The following SKI variants were observed in gnomAD, a reference collection of about 807,000 sequenced individuals.
SKI encodes the protein SKI proto-oncogene.
In SKI, 23 loss-of-function variants were observed where a neutral mutation model predicts 59.3. The ratio of observed to expected loss-of-function variants is 0.39; its 90% CI spans 0.28 to 0.55. The LOEUF is 0.55. Ranked by LOEUF, SKI falls within the 20% of genes least tolerant of loss-of-function variation. The probability of loss-of-function intolerance (pLI) is 0.67; values close to 1 mark genes in which losing one functional copy is unlikely to be tolerated. For missense variants in SKI, 1,017 were observed against 1,038.9 expected (o/e 0.98, Z 0.29); for synonymous variants, 673 against 488.6 (o/e 1.38, Z -4.98).
chr1:2,306,400 G>C, intron 6 of SKI, 150 bp downstream of exon 6: 4 of 998,068 alleles, frequency 4.0e-6, no homozygotes, highest in South Asian at 1.7e-5. Flanking sequence ...CGGGCACAGG[G>C]TGGGTGGTTG....
At position 2,308,944 on chromosome 1, in the gene SKI, C is replaced by T. The variant is rs2843157; in HGVS notation, c.*2179C>T. The stretch of plus-strand genomic sequence containing the variant: ...CTGCAGTGGCAGCCCTTCCCCACTT[C>T]GGCTCTGGGAGGGTCCAGCCAGTGT... On this transcript the variant is annotated 3_prime_UTR_variant, in exon 7 of 7. Transcript: ENST00000378536. The T allele has an allele frequency of 0.098, 14,912 of 152,416 alleles. 951 individuals carry two copies. Among genetic ancestry groups the T allele is most frequent in the Admixed American group, 0.17 (2,671 of 15,298 alleles). 9.4% of individuals were successfully genotyped at this position (152,416 alleles called of 1,614,324 possible).
chr1:2,305,932 C>G lies in SKI; in HGVS notation c.1768-88C>G, dbSNP rs1640561540. 2.9e-6 allele frequency: 3 copies of G among 1,036,402 alleles called. No individual in the cohort carries two copies. In the Admixed American group the frequency reaches 6.0e-5, roughly 21 times the overall value. 64.2% of individuals were successfully genotyped at this position (1,036,402 alleles called of 1,614,324 possible). A position where few individuals can be genotyped will look rare whatever the true frequency, so the allele number is the denominator to read the frequency against. ...AGGGCACATTGTCAGATAGATGACC[C>G]CACGGGGTGGGCTGAGGACTGCTGG... On this transcript the variant is annotated intron_variant, in intron 5 of 6. Coordinates refer to ENST00000378536, the MANE Select transcript of SKI (RefSeq NM_003036.4).
At position 2,303,239 on chromosome 1, in the gene SKI, C is replaced by T. The variant is rs774764156; in HGVS notation, c.1096-46C>T. The T allele has an allele frequency of 2.3e-5, 37 of 1,605,848 alleles. No homozygotes were observed. The highest frequency in any genetic ancestry group is 3.2e-5 in the Non-Finnish European group (37 of 1,174,278). ...GCGCAGCCTCAGGGACATGAAGTGG[C>T]TTGTTTTTCTCCTGGTCACTCACAC... On this transcript the variant is annotated intron_variant, in intron 2 of 6. Coordinates refer to ENST00000378536, the MANE Select transcript of SKI (RefSeq NM_003036.4). The surrounding 1 kb of genome is among the most constrained non-coding windows in gnomAD (Gnocchi z 5.6).
At position 2,303,168 on chromosome 1, in the gene SKI, C is replaced by T; in HGVS notation, c.1095+65C>T. Reference sequence around the variant, plus strand: ...CTGGGCCCTTCTCCTTGGGCAGACCCAGCGGCTGGCAGCTCCACCTGCCCG... The same window carrying T: ...CTGGGCCCTTCTCCTTGGGCAGACCTAGCGGCTGGCAGCTCCACCTGCCCG... On this transcript the variant is annotated intron_variant, in intron 2 of 6. Coordinates refer to ENST00000378536, the MANE Select transcript of SKI (RefSeq NM_003036.4). The surrounding 1 kb of genome is among the most constrained non-coding windows in gnomAD (Gnocchi z 5.6). 2 of 1,607,186 alleles carry T rather than the reference C, an allele frequency of 1.2e-6. No homozygotes were observed. Among genetic ancestry groups the T allele is most frequent in the Non-Finnish European group, 1.7e-6 (2 of 1,175,856 alleles).
chr1:2,297,577 G>A (rs1640314481), intron 1 of SKI, among the ~76,000 whole-genome samples: 1 of 152,228 alleles, frequency 6.6e-6, no homozygotes, highest in Non-Finnish European at 1.5e-5. Context: ...GCTTCTTGGT[G>A]CCTACAACAT....
In SKI at chr1:2,303,864, G is replaced by C; in HGVS notation, c.1236G>C (p.Glu412Asp). ...RDSFYSYKSF[E>D]TAVAPNVALA... ...GCTTCTACTCCTACAAGAGCTTTGA[G>C]ACAGCCGTGGCGCCCAACGTGGCCC... Residue 412 changes from glutamate (E) to aspartate (D), a missense_variant, in exon 4 of 7, where the codon GAG becomes GAC. By Grantham distance (45) the Glu-to-Asp change is conservative (BLOSUM62 2). Coordinates refer to ENST00000378536, the MANE Select transcript of SKI (RefSeq NM_003036.4). The surrounding 1 kb of genome is among the most constrained non-coding windows in gnomAD (Gnocchi z 5.6). 1 of 1,612,536 alleles carries C rather than the reference G, an allele frequency of 6.2e-7. No individual in the cohort carries two copies. Among genetic ancestry groups the C allele is most frequent in the East Asian group, 2.2e-5 (1 of 44,874 alleles).
intron 1 of SKI, among the ~76,000 whole-genome samples, chr1:2,262,663 G>A (rs1318551195): frequency 6.6e-6 from 1 of 152,196 alleles, no homozygotes; most frequent in African/African-American, 2.4e-5. Context: ...TTATGAGTCC[G>A]AGGAAGTCCC....
At position 2,306,636 on chromosome 1, in the gene SKI, C is replaced by G; in HGVS notation, c.2058C>G (p.Ala686=). 6.5e-7 allele frequency: 1 copy of G among 1,544,124 alleles called. No homozygotes were observed. The highest frequency in any genetic ancestry group is 8.7e-7 in the Non-Finnish European group (1 of 1,145,142). Residue 686 remains alanine, a synonymous_variant, in exon 7 of 7, where the codon GCC becomes GCG. Transcript: ENST00000378536. ...HAEADREQLR[A]DLLREREARE... ...AGGCGGACCGGGAGCAGCTGCGGGC[C>G]GACCTGCTGCGGGAGCGCGAGGCCC...
rs936546650 is a variant in SKI, at chr1:2,270,241, C to T, written c.970-32737C>T. 3.9e-5 allele frequency among the ~76,000 whole-genome samples: 6 copies of T among 152,160 alleles called. No homozygotes were observed. The highest frequency in any genetic ancestry group is 1.4e-4 in the African/African-American group (6 of 41,430). On this transcript the variant is annotated intron_variant, in intron 1 of 6. Transcript: ENST00000378536. The surrounding 1 kb of genome is among the most constrained non-coding windows in gnomAD (Gnocchi z 4.1). ...CAGGTGGGCCCACTGGCTGGCGCTG[C>T]GTCTGGGTTCGGTCCTGGACCTGCT...
intron 1 of SKI, among the ~76,000 whole-genome samples, chr1:2,248,888 G>A (rs536624186): frequency 9.5e-4 from 145 of 152,328 alleles, no homozygotes; most frequent in African/African-American, 3.4e-3. Flanking sequence ...TACTTTTCTA[G>A]GCCTCAGTTT....
chr1:2,272,521 A>G (rs922927175), intron 1 of SKI, among the ~76,000 whole-genome samples: 30 of 152,304 alleles, frequency 2.0e-4, no homozygotes, highest in African/African-American at 6.5e-4. Context: ...TCCTTCCCCC[A>G]CAGGCTACAC....
chr1:2,255,877 GGA>G (rs1323111548), intron 1 of SKI, among the ~76,000 whole-genome samples: 1 of 148,820 alleles, frequency 6.7e-6, no homozygotes, highest in African/African-American at 2.5e-5. Context: ...TTTCCTCTCT[GGA>G]GCTCTCTCTG....
Position 2,229,831 on chromosome 1 carries a change from G to A in SKI, c.969+96G>A, listed in dbSNP as rs1638592026. On this transcript the variant is annotated intron_variant, in intron 1 of 6. Transcript: ENST00000378536. This position sits in a 1 kb window ranked among gnomAD's most constrained non-coding sequence, Gnocchi z 6.3. ...CTGGTCTCCGAAGGCTGGGACCTGT[G>A]CTTCTGCCGTGCCCCATGTCTCCAG... The A allele has an allele frequency of 6.5e-7, 1 of 1,539,194 alleles. No individual in the cohort carries two copies. The highest frequency in any genetic ancestry group is 8.8e-7 in the Non-Finnish European group (1 of 1,140,552).
chr1:2,229,785 G>A lies in SKI; in HGVS notation c.969+50G>A. On this transcript the variant is annotated intron_variant, in intron 1 of 6. Coordinates refer to ENST00000378536, the MANE Select transcript of SKI (RefSeq NM_003036.4). The surrounding 1 kb of genome is among the most constrained non-coding windows in gnomAD (Gnocchi z 6.3). ...TGGGGAGGATGCGCTTGGGGTGGGG[G>A]CCCCTTCTGGACTACAGGCTCTGGT... The A allele has an allele frequency of 1.9e-6, 3 of 1,549,424 alleles. No homozygotes were observed. Among genetic ancestry groups the A allele is most frequent in the Non-Finnish European group, 2.6e-6 (3 of 1,146,846 alleles).
At chr1:2,243,127 G>A (rs1398192791) in intron 1 of SKI, among the ~76,000 whole-genome samples, 1 of 152,214 alleles carries the variant, frequency 6.6e-6, no homozygotes, top group Non-Finnish European at 1.5e-5. Flanking sequence ...GCCTTTTTGG[G>A]CCAGCCCTGT....
chr1:2,252,534 C>T (rs569690886), intron 1 of SKI, among the ~76,000 whole-genome samples: 1 of 152,320 alleles, frequency 6.6e-6, no homozygotes, highest in South Asian at 2.1e-4. Context: ...GTCTTTATTT[C>T]CACACTCGAG....
intron 1 of SKI, among the ~76,000 whole-genome samples, chr1:2,299,306 C>G (rs552400253): frequency 6.6e-6 from 1 of 152,244 alleles, no homozygotes; most frequent in African/African-American, 2.4e-5. Context: ...ATGTCCTCCT[C>G]ACGGACTCTG....
chr1:2,304,190 G>A, intron 4 of SKI, 88 bp downstream of exon 4: 2 of 1,576,414 alleles, frequency 1.3e-6, no homozygotes, highest in Admixed American at 1.9e-5. Flanking sequence ...GGGTGCGTTG[G>A]TGGCCCCATG....
At chr1:2,284,435 C>G (rs1457468349) in intron 1 of SKI, among the ~76,000 whole-genome samples, 2 of 152,196 alleles carry the variant, frequency 1.3e-5, no homozygotes, top group South Asian at 2.1e-4. Flanking sequence ...TCATGGAAAC[C>G]TAAAACCTAA....
Sources: allele counts gnomAD v4.1 joint callset (sites outside exome capture counted in the v4.1 genomes callset), GRCh38; gene constraint gnomAD v4.1.1; non-coding constraint Gnocchi (gnomAD v3.1); transcripts MANE v1.5; gene names NCBI Gene and HGNC (gene_info 2026-07-23, HGNC 2026-07-21).